Variants in BZW1 observed in about 807,000 individuals in gnomAD.
BZW1 encodes basic leucine zipper and W2 domains 1.
A neutral mutation model predicts 54.1 loss-of-function variants in BZW1; 3 were observed. That is an observed-to-expected ratio of 0.06 (90% CI 0.03 to 0.14). The LOEUF (loss-of-function observed/expected upper bound fraction) is 0.14. Ranked by LOEUF, BZW1 falls within the 10% of genes least tolerant of loss-of-function variation. BZW1 has a pLI of 1.00. For synonymous variants in BZW1, 152 were observed against 162.7 expected (o/e 0.93, Z 0.50); for missense variants, 206 against 491.7 (o/e 0.42, Z 5.50).
chr2:200,813,399 CTT>C (rs1440751623), intron 2 of BZW1, 118 bp downstream of exon 2: 2 of 881,360 alleles, frequency 2.3e-6, no homozygotes, highest in East Asian at 5.3e-5. Context: ...CAGAAAGAAA[CTT>C]GAATTTCTCG....
intron 1 of BZW1, chr2:200,812,522 A>T: frequency 2.2e-6 from 3 of 1,387,904 alleles, no homozygotes; most frequent in Non-Finnish European, 9.3e-7. Flanking sequence ...GCGGGACCCT[A>T]CGGCGCCCCG....
At position 200,827,307 on chromosome 2, in the gene BZW1, T is replaced by C. The variant is rs1174011004; in HGVS notation, c.*5129T>C. On this transcript the variant is annotated 3_prime_UTR_variant, in exon 12 of 12. Coordinates refer to ENST00000409600, the MANE Select transcript of BZW1 (RefSeq NM_001207067.2). ...TCTGTACCCTTGAAATGGAATAAAA[T>C]TTCATGAGACTCCTTGTTAATGTAG... 6.6e-6 allele frequency: 1 copy of C among 152,250 alleles called. No individual in the cohort carries two copies. Among genetic ancestry groups the C allele is most frequent in the East Asian group, 1.9e-4 (1 of 5,206 alleles). 9.4% of individuals were successfully genotyped at this position (152,250 alleles called of 1,614,324 possible). A position where few individuals can be genotyped will look rare whatever the true frequency, so the allele number is the denominator to read the frequency against.
At position 200,817,613 on chromosome 2, in the gene BZW1, A is replaced by G. The variant is rs368394658; in HGVS notation, c.539-361A>G. On this transcript the variant is annotated intron_variant, in intron 6 of 11. Transcript: ENST00000409600. ...TTCCCTGTTTGGCTCCAATTGTCGG[A>G]TTATTCTCTACAGTAATTTTTTTGA... Among the ~76,000 whole-genome samples, 6 of 150,894 alleles carry G rather than the reference A, an allele frequency of 4.0e-5. No homozygotes were observed. In the East Asian group the frequency reaches 7.7e-4, roughly 19 times the overall value.
chr2:200,815,323 G>T lies in BZW1; in HGVS notation c.65-18G>T, dbSNP rs151292360. The T allele has an allele frequency of 5.3e-5, 84 of 1,574,726 alleles. 1 individual carries two copies. The African/African-American group carries it at 9.4e-4, about 18-fold the overall frequency. ...AAATCTTTTAAAACTAAATGTTTTG[G>T]GTCCCTTGTCCCCCCAGATGAAAAA... On this transcript the variant is annotated intron_variant, in intron 2 of 11. Coordinates refer to ENST00000409600, the MANE Select transcript of BZW1 (RefSeq NM_001207067.2).
intron 10 of BZW1, 68 bp downstream of exon 10, chr2:200,820,188 A>G (rs888365843): frequency 3.0e-6 from 4 of 1,313,970 alleles, no homozygotes; most frequent in African/African-American, 3.0e-5. Flanking sequence ...AATTATCCAA[A>G]TGATGAGTTA....
chr2:200,812,848 C>T, intron 1 of BZW1: 1 of 662,064 alleles, frequency 1.5e-6, no homozygotes, highest in South Asian at 1.5e-5. Flanking sequence ...GTGATAATCT[C>T]TCTTTGCGTT....
At chr2:200,813,532 A>C in intron 2 of BZW1, 1 of 294,070 alleles carries the variant, frequency 3.4e-6, no homozygotes, top group Non-Finnish European at 6.3e-6. Flanking sequence ...TGAAGGTAAA[A>C]TATTTTTAAA....
intron 5 of BZW1, among the ~76,000 whole-genome samples, 198 bp from the exon 6 acceptor site, chr2:200,816,908 A>G (rs1423235716): frequency 1.3e-5 from 2 of 152,152 alleles, no homozygotes; most frequent in East Asian, 1.9e-4. Flanking sequence ...TATTATCCAC[A>G]TTTTACATGT....
intron 1 of BZW1, chr2:200,812,807 G>A (rs2038135163): frequency 1.5e-5 from 10 of 685,416 alleles, no homozygotes; most frequent in South Asian, 1.4e-4. Context: ...TTTAGAATTG[G>A]CATACACATT....
At chr2:200,811,676 G>A (rs892344526), upstream of BZW1, 1 of 152,378 alleles carries the variant, frequency 6.6e-6, no homozygotes, top group African/African-American at 2.4e-5. Context: ...GACGCAGCGG[G>A]GGAAGAAAAA....
chr2:200,817,836 C>A, intron 6 of BZW1, 138 bp from the exon 7 acceptor site: 1 of 592,020 alleles, frequency 1.7e-6, no homozygotes, highest in Non-Finnish European at 2.9e-6. Context: ...AAACTGTGGC[C>A]CAGGAAAGTT....
intron 11 of BZW1, 143 bp from the exon 12 acceptor site, chr2:200,822,004 G>A (rs1286228713): frequency 1.4e-6 from 1 of 695,518 alleles, no homozygotes; most frequent in Non-Finnish European, 2.5e-6. Context: ...GGGAGGCAGA[G>A]GTTGCAGTGA....
intron 2 of BZW1, among the ~76,000 whole-genome samples, chr2:200,814,889 G>T (rs577127764): frequency 3.9e-5 from 6 of 152,296 alleles, no homozygotes; most frequent in African/African-American, 1.4e-4. Context: ...CTGTCATTGG[G>T]TGCTCATTAA....
chr2:200,824,045 A>T lies in BZW1; in HGVS notation c.*1867A>T, dbSNP rs1051332193. On this transcript the variant is annotated 3_prime_UTR_variant, in exon 12 of 12. Transcript: ENST00000409600. ...AATTCATTGCATGTTTCTTCCATACAAAGTGTGCCATTTTATACTGTGTAT... is the reference window on the plus strand; with the variant it reads ...AATTCATTGCATGTTTCTTCCATACTAAGTGTGCCATTTTATACTGTGTAT... 3.9e-5 allele frequency: 6 copies of T among 152,214 alleles called. No homozygotes were observed. The highest frequency in any genetic ancestry group is 8.8e-5 in the Non-Finnish European group (6 of 68,014). 9.4% of individuals were successfully genotyped at this position (152,214 alleles called of 1,614,324 possible).
intron 4 of BZW1, 82 bp downstream of exon 4, chr2:200,815,843 G>T: frequency 3.8e-6 from 5 of 1,301,546 alleles, no homozygotes; most frequent in South Asian, 1.6e-5. Flanking sequence ...TTTAAGAGTT[G>T]TGGTTAGAAA....
At chr2:200,817,467 G>A (rs1424731496) in intron 6 of BZW1, among the ~76,000 whole-genome samples, 1 of 152,150 alleles carries the variant, frequency 6.6e-6, no homozygotes, top group Non-Finnish European at 1.5e-5. Flanking sequence ...ACAAAATGTT[G>A]TTATATGTAA....
chr2:200,812,748 T>C (rs771466379), intron 1 of BZW1: 15 of 727,010 alleles, frequency 2.1e-5, no homozygotes, highest in Non-Finnish European at 3.5e-5. Context: ...AGGATGGTGC[T>C]GCCCGTAACC....
intron 5 of BZW1, 59 bp from the exon 6 acceptor site, chr2:200,817,047 T>G: frequency 6.4e-7 from 1 of 1,574,656 alleles, no homozygotes; most frequent in Non-Finnish European, 8.6e-7. Flanking sequence ...CATGCTTTAC[T>G]GCTTCTCTTA....
chr2:200,812,422 T>C (rs375146954), intron 1 of BZW1: 2 of 1,283,164 alleles, frequency 1.6e-6, no homozygotes, highest in Non-Finnish European at 2.0e-6. Flanking sequence ...ACGGGGCGCC[T>C]GGGGCCCCGG....
Sources: allele counts gnomAD v4.1 joint callset (sites outside exome capture counted in the v4.1 genomes callset), GRCh38; gene constraint gnomAD v4.1.1; transcripts MANE v1.5; gene names NCBI Gene and HGNC (gene_info 2026-07-23, HGNC 2026-07-21).